The following TNFSF13B variants were observed in gnomAD, a reference collection of about 807,000 sequenced individuals.
TNFSF13B encodes TNF superfamily member 13b.
Under a neutral mutation model 29.1 loss-of-function variants are expected in TNFSF13B, and 8 were observed. The ratio of observed to expected loss-of-function variants is 0.27; its 90% confidence interval spans 0.16 to 0.50. The LOEUF is 0.50. Ranked by LOEUF, TNFSF13B falls within the 20% of genes least tolerant of loss-of-function variation. The probability of loss-of-function intolerance (pLI) is 0.98; values close to 1 mark genes in which losing one functional copy is unlikely to be tolerated. For missense variants in TNFSF13B, 248 were observed against 334.9 expected, an observed-to-expected ratio of 0.74 and a Z score of 2.03; for synonymous variants, 125 against 130.8, an observed-to-expected ratio of 0.96 and a Z score of 0.30.
intron 2 of TNFSF13B, among the ~76,000 whole-genome samples, chr13:108,273,679 A>G (rs916704766): frequency 6.6e-5 from 10 of 152,190 alleles, no homozygotes; most frequent in African/African-American, 2.2e-4. Context: ...ATCTCCAATC[A>G]GTTGGATATT....
At chr13:108,277,344 T>C (rs1188190279) in intron 2 of TNFSF13B, among the ~76,000 whole-genome samples, 1 of 152,210 alleles carries the variant, frequency 6.6e-6, no homozygotes, top group African/African-American at 2.4e-5. Context: ...AAAACACATC[T>C]AAATGATGAC....
chr13:108,281,148 G>A (rs1267189189), intron 2 of TNFSF13B, among the ~76,000 whole-genome samples: 1 of 152,032 alleles, frequency 6.6e-6, no homozygotes, highest in African/African-American at 2.4e-5. Context: ...CAGAAGGCTG[G>A]GAGAATCATG....
intron 2 of TNFSF13B, among the ~76,000 whole-genome samples, chr13:108,286,573 A>G (rs561180697): frequency 6.6e-6 from 1 of 152,252 alleles, no homozygotes; most frequent in East Asian, 1.9e-4. Flanking sequence ...GTGATATTAT[A>G]TTTTAACAGC....
intron 2 of TNFSF13B, among the ~76,000 whole-genome samples, chr13:108,275,772 C>A (rs935530668): frequency 2.0e-5 from 3 of 152,072 alleles, no homozygotes; most frequent in African/African-American, 7.2e-5. Context: ...TATTTCATTA[C>A]AAAAAGGAAA....
At chr13:108,301,457 T>C (rs1881620450) in intron 3 of TNFSF13B, 1 of 152,220 alleles carries the variant, frequency 6.6e-6, no homozygotes, top group South Asian at 2.1e-4. Context: ...AGTGGAATAC[T>C]ATTCAGCATA....
chr13:108,299,884 A>G (rs1881565224), intron 3 of TNFSF13B, among the ~76,000 whole-genome samples: 1 of 152,182 alleles, frequency 6.6e-6, no homozygotes, highest in African/African-American at 2.4e-5. Flanking sequence ...TAAAATGCCT[A>G]AATAAAATGT....
rs55675104 is a variant in TNFSF13B at position 108,303,529 on chromosome 13, T to A, written c.670T>A (p.Leu224Met). Residue 224 changes from leucine to methionine, a missense_variant, in exon 5 of 6, where the codon TTG becomes ATG. Leu to Met is a conservative substitution (Grantham distance 15). Around this residue, in one of 2 missense-constraint regions of TNFSF13B, gnomAD observed 62 missense variants for 138.6 expected, o/e 0.45. Coordinates refer to ENST00000375887, the MANE Select transcript of TNFSF13B (RefSeq NM_006573.5). ...RKKVHVFGDELSLVTLFRCIQ... is the reference protein window; with the variant it reads ...RKKVHVFGDEMSLVTLFRCIQ... ...GAAGGTCCATGTCTTTGGGGATGAATTGAGTCTGGTGACTTTGTTTCGATG... is the reference window on the plus strand; with the variant it reads ...GAAGGTCCATGTCTTTGGGGATGAAATGAGTCTGGTGACTTTGTTTCGATG... 2 of 1,613,814 alleles carry A rather than the reference T, an allele frequency of 1.2e-6. No individual in the cohort carries two copies. Among genetic ancestry groups the A allele is most frequent in the African/African-American group, 2.7e-5 (2 of 75,000 alleles).
rs375572249 is a variant in TNFSF13B at position 108,270,116 on chromosome 13, G to C, written c.221G>C (p.Gly74Ala). Residue 74 changes from glycine (G) to alanine (A), a missense_variant, in exon 1 of 6, where the codon GGG becomes GCG. Around this residue, in one of 2 missense-constraint regions of TNFSF13B, gnomAD observed 186 missense variants for 196.3 expected, o/e 0.95. Transcript: ENST00000375887. ...VSFYQVAALQGDLASLRAELQ... is the reference protein window; with the variant it reads ...VSFYQVAALQADLASLRAELQ... ...TTCTACCAGGTGGCCGCCCTGCAAG[G>C]GGACCTGGCCAGCCTCCGGGCAGAG... 2.0e-5 allele frequency: 32 copies of C among 1,602,694 alleles called. No individual in the cohort carries two copies. The highest frequency in any genetic ancestry group is 2.5e-5 in the Non-Finnish European group (30 of 1,179,946).
intron 2 of TNFSF13B, among the ~76,000 whole-genome samples, chr13:108,270,829 A>G (rs1235302932): frequency 6.6e-6 from 1 of 152,234 alleles, no homozygotes; most frequent in African/African-American, 2.4e-5. Flanking sequence ...CCTGGGTCAT[A>G]GAAAGTTAAA....
chr13:108,290,512 C>A (rs577118266), intron 3 of TNFSF13B, among the ~76,000 whole-genome samples: 1 of 152,046 alleles, frequency 6.6e-6, no homozygotes, highest in Non-Finnish European at 1.5e-5. Context: ...TTCTTTCAAG[C>A]CATTCTTTTG....
intron 3 of TNFSF13B, among the ~76,000 whole-genome samples, chr13:108,290,391 A>G (rs1396839344): frequency 7.2e-5 from 11 of 152,118 alleles, no homozygotes; most frequent in Admixed American, 7.2e-4. Context: ...TGTGGGACAG[A>G]TTTTGAATTT....
At chr13:108,306,467 T>C (rs1433494152) in intron 5 of TNFSF13B, among the ~76,000 whole-genome samples, 3 of 151,986 alleles carry the variant, frequency 2.0e-5, no homozygotes, top group Non-Finnish European at 4.4e-5. Context: ...ATAAAAACTT[T>C]CCCTGTCAAC....
At chr13:108,273,508 GC>G (rs1382167955) in intron 2 of TNFSF13B, among the ~76,000 whole-genome samples, 1 of 152,118 alleles carries the variant, frequency 6.6e-6, no homozygotes, top group Non-Finnish European at 1.5e-5. Context: ...ACATAAACAT[GC>G]AGTATTAAGT....
intron 2 of TNFSF13B, among the ~76,000 whole-genome samples, chr13:108,284,600 C>A (rs1183033467): frequency 1.3e-5 from 2 of 152,092 alleles, no homozygotes; most frequent in African/African-American, 2.4e-5. Flanking sequence ...CTGAGTATAG[C>A]GCAAAGTGCT....
intron 5 of TNFSF13B, among the ~76,000 whole-genome samples, chr13:108,305,131 T>G (rs1363951825): frequency 6.6e-6 from 1 of 152,170 alleles, no homozygotes; most frequent in African/African-American, 2.4e-5. Context: ...TATTTTTCAT[T>G]ACTAGTAGCT....
intron 2 of TNFSF13B, among the ~76,000 whole-genome samples, chr13:108,272,998 A>G (rs1342784789): frequency 2.0e-5 from 3 of 152,188 alleles, no homozygotes; most frequent in African/African-American, 7.2e-5. Flanking sequence ...AATGGCATCC[A>G]GGAATAGTAT....
chr13:108,294,069 A>G (rs1330900555), intron 3 of TNFSF13B, among the ~76,000 whole-genome samples: 1 of 152,110 alleles, frequency 6.6e-6, no homozygotes, highest in Non-Finnish European at 1.5e-5. Flanking sequence ...TCCTTTTTAG[A>G]TTATTCATTC....
chr13:108,288,671 C>T (rs1881212506), intron 3 of TNFSF13B, among the ~76,000 whole-genome samples: 1 of 152,186 alleles, frequency 6.6e-6, no homozygotes, highest in African/African-American at 2.4e-5. Context: ...TGGTTTTCTA[C>T]TTTGAAAGAG....
chr13:108,274,239 TA>T (rs1381250214), intron 2 of TNFSF13B, among the ~76,000 whole-genome samples: 6 of 150,592 alleles, frequency 4.0e-5, no homozygotes, highest in African/African-American at 1.5e-4. Flanking sequence ...TCAGTGACCC[TA>T]ATTCCTGTGT....
Sources: gnomAD v4.1 joint callset for allele counts (sites outside exome capture counted in the v4.1 genomes callset) on GRCh38, gnomAD v4.1.1 for gene constraint, gnomAD v4.1.1 regional missense constraint, MANE v1.5 for transcripts, NCBI Gene and HGNC (gene_info 2026-07-23, HGNC 2026-07-21) for gene names.